Variants in NFKB1 observed in about 807,000 individuals in gnomAD.
NFKB1 encodes the protein nuclear factor NF-kappa-B p105 subunit.
Under a neutral mutation model 105.1 loss-of-function variants are expected in NFKB1, and 9 were observed. That is an observed-to-expected ratio of 0.09 (90% CI 0.05 to 0.15). The LOEUF is 0.15. NFKB1 is among the 10% of genes least tolerant of loss of function. The probability of loss-of-function intolerance (pLI) is 1.00; values close to 1 mark genes in which losing one functional copy is unlikely to be tolerated. For missense variants in NFKB1, 830 were observed against 1,203.7 expected (o/e 0.69, Z 4.59); for synonymous variants, 440 against 442.2 (o/e 1.00, Z 0.06).
At chr4:102,522,506 A>G (rs1024156634) in intron 1 of NFKB1, among the ~76,000 whole-genome samples, 5 of 152,288 alleles carry the variant, frequency 3.3e-5, no homozygotes, top group African/African-American at 9.6e-5. Flanking sequence ...GGTGCCTGCA[A>G]TTGACAGATT....
rs766043472 is a variant in NFKB1, at chr4:102,612,633, A to C, written c.2592+27A>C. 7 of 1,601,416 alleles carry C rather than the reference A, an allele frequency of 4.4e-6. No individual in the cohort carries two copies. The Admixed American group carries it at 1.2e-4, about 27-fold the overall frequency. Reference sequence around the variant, plus strand: ...TAACACCTTACCTTACAGATTTAGCAATTTTCATTTGACTTTACTCTGTTA... The same window carrying C: ...TAACACCTTACCTTACAGATTTAGCCATTTTCATTTGACTTTACTCTGTTA... On this transcript the variant is annotated intron_variant, in intron 22 of 23. Coordinates refer to ENST00000226574, the MANE Select transcript of NFKB1 (RefSeq NM_003998.4).
chr4:102,515,107 A>ATTTTTTTTTTTTTTT (rs34257045), intron 1 of NFKB1, among the ~76,000 whole-genome samples: 6 of 95,654 alleles, frequency 6.3e-5, no homozygotes, highest in East Asian at 3.0e-4. Context: ...TATTATTATT[A>ATTTTTTTTTTTTTTT]TTTTTTTTTT....
chr4:102,564,558 G>A (rs1723702131), intron 5 of NFKB1, among the ~76,000 whole-genome samples: 1 of 152,212 alleles, frequency 6.6e-6, no homozygotes, highest in Non-Finnish European at 1.5e-5. Flanking sequence ...ATGAGTCACT[G>A]GCAGCATGTT....
chr4:102,554,852 T>C (rs961058852), intron 5 of NFKB1, among the ~76,000 whole-genome samples: 2 of 152,106 alleles, frequency 1.3e-5, no homozygotes, highest in African/African-American at 2.4e-5. Context: ...CCCCACACAA[T>C]AGGAAAACTG....
chr4:102,504,703 C>T (rs906481330), intron 1 of NFKB1, among the ~76,000 whole-genome samples: 5 of 152,146 alleles, frequency 3.3e-5, no homozygotes, highest in Admixed American at 2.6e-4. Flanking sequence ...ACTGAACTCA[C>T]TTGTAGTGTT....
At position 102,592,500 on chromosome 4, in the gene NFKB1, A is replaced by G. The variant is rs796402548; in HGVS notation, c.1067-925A>G. Among the ~76,000 whole-genome samples, 8 of 152,332 alleles carry G rather than the reference A, an allele frequency of 5.3e-5. 1 individual carries two copies. Among genetic ancestry groups the G allele is most frequent in the African/African-American group, 1.9e-4 (8 of 41,570 alleles). On this transcript the variant is annotated intron_variant, in intron 11 of 23. Coordinates refer to ENST00000226574, the MANE Select transcript of NFKB1 (RefSeq NM_003998.4). Reference sequence around the variant, plus strand: ...ACCTTCCACCAGTACAAAGATTACAACCTGCTGTAGGCTTAGGTGATCATT... The same window carrying G: ...ACCTTCCACCAGTACAAAGATTACAGCCTGCTGTAGGCTTAGGTGATCATT...
intron 5 of NFKB1, among the ~76,000 whole-genome samples, chr4:102,559,635 A>G (rs1354559365): frequency 6.6e-6 from 1 of 152,034 alleles, no homozygotes; most frequent in Non-Finnish European, 1.5e-5. Context: ...TAGTGTAGTA[A>G]AGATGGTAAG....
intron 4 of NFKB1, among the ~76,000 whole-genome samples, chr4:102,535,450 A>G (rs764370484): frequency 1.4e-4 from 21 of 152,256 alleles, no homozygotes; most frequent in Middle Eastern, 3.4e-3. Flanking sequence ...GAGTAAAACA[A>G]TGTGTTTACC....
intron 8 of NFKB1, among the ~76,000 whole-genome samples, chr4:102,580,115 G>A (rs964387243): frequency 2.0e-5 from 3 of 152,122 alleles, no homozygotes; most frequent in Non-Finnish European, 4.4e-5. Flanking sequence ...AGTAGTTTAA[G>A]AAAACTGTAC....
intron 1 of NFKB1, among the ~76,000 whole-genome samples, chr4:102,515,107 A>ATTATTTT (rs771359850): frequency 1.0e-5 from 1 of 95,654 alleles, no homozygotes. Flanking sequence ...TATTATTATT[A>ATTATTTT]TTTTTTTTTT....
intron 23 of NFKB1, among the ~76,000 whole-genome samples, chr4:102,614,665 G>A (rs1352133502): frequency 6.6e-6 from 1 of 152,036 alleles, no homozygotes; most frequent in Non-Finnish European, 1.5e-5. Context: ...GCCAGATCTG[G>A]TCACCTCCTT....
At chr4:102,505,782 CGAAA>C (rs1560624931) in intron 1 of NFKB1, among the ~76,000 whole-genome samples, 1 of 152,010 alleles carries the variant, frequency 6.6e-6, no homozygotes, top group Admixed American at 6.6e-5. Context: ...TCAATACTGA[CGAAA>C]GAAATATCTG....
intron 9 of NFKB1, among the ~76,000 whole-genome samples, chr4:102,581,662 G>A: frequency 6.6e-6 from 1 of 152,026 alleles, no homozygotes. Flanking sequence ...TCAAAAAAAA[G>A]AAGTTTACAC....
rs149014458 is a variant in NFKB1, at chr4:102,584,738, C to G, written c.984C>G (p.Ala328=). ...KYKDINITKP[A]SVFVQLRRKS... ...AAGATATTAATATTACAAAACCAGC[C>G]TCTGTGTTTGTCCAGCTTCGGAGGA... The change falls in exon 11 of 24, where the codon GCC becomes GCG. Residue 328 remains alanine (A), a synonymous_variant. Coordinates refer to ENST00000226574, the MANE Select transcript of NFKB1 (RefSeq NM_003998.4). The G allele has an allele frequency of 5.4e-5, 87 of 1,612,460 alleles. No individual in the cohort carries two copies. The African/African-American group carries it at 1.0e-3, about 19-fold the overall frequency.
Position 102,548,916 on chromosome 4 carries a change from G to A in NFKB1, c.258+10960G>A, listed in dbSNP as rs989798736. Among the ~76,000 whole-genome samples the A allele has an allele frequency of 8.5e-5, 13 of 152,062 alleles. 1 individual carries two copies. Among genetic ancestry groups the A allele is most frequent in the Middle Eastern group, 3.4e-3 (1 of 294 alleles). ...CATCTTAACTAATCATAATTGCAAC[G>A]ACCCCATTTCCAGATAATACAATAT... On this transcript the variant is annotated intron_variant, in intron 5 of 23. Coordinates refer to ENST00000226574, the MANE Select transcript of NFKB1 (RefSeq NM_003998.4).
intron 12 of NFKB1, 48 bp downstream of exon 12, chr4:102,593,616 T>C: frequency 6.4e-7 from 1 of 1,551,748 alleles, no homozygotes; most frequent in Non-Finnish European, 8.7e-7. Context: ...TTGGAGAGGG[T>C]AGAATTTTCT....
intron 1 of NFKB1, among the ~76,000 whole-genome samples, chr4:102,513,999 C>G (rs1739954434): frequency 6.6e-6 from 1 of 151,656 alleles, no homozygotes; most frequent in Non-Finnish European, 1.5e-5. Flanking sequence ...CGGTGAAACC[C>G]CATCTCTACT....
intron 5 of NFKB1, among the ~76,000 whole-genome samples, chr4:102,556,572 G>A (rs1048226772): frequency 6.6e-6 from 1 of 152,148 alleles, no homozygotes; most frequent in Non-Finnish European, 1.5e-5. Context: ...AATAATAAAT[G>A]GCTAGTGGGT....
intron 16 of NFKB1, among the ~76,000 whole-genome samples, chr4:102,603,713 G>C (rs1016291576): frequency 6.6e-6 from 1 of 152,138 alleles, no homozygotes; most frequent in Non-Finnish European, 1.5e-5. Flanking sequence ...AATGGAAAAT[G>C]ATACAGTTCT....
Sources: gnomAD v4.1 joint callset for allele counts (sites outside exome capture counted in the v4.1 genomes callset) on GRCh38, gnomAD v4.1.1 for gene constraint, MANE v1.5 for transcripts, NCBI Gene and HGNC (gene_info 2026-07-23, HGNC 2026-07-21) for gene names.